Variants in DOCK8 observed in about 807,000 individuals in gnomAD.
The protein encoded by DOCK8 is dedicator of cytokinesis 8, also known as dedicator of cytokinesis protein 8.
Under a neutral mutation model 245.6 loss-of-function variants are expected in DOCK8, and 141 were observed. The ratio of observed to expected loss-of-function variants is 0.57; its 90% CI spans 0.50 to 0.66. DOCK8 has a LOEUF of 0.66. Among genes scored for constraint, DOCK8 ranks in the 30% least tolerant of loss-of-function variants. The pLI, the probability that DOCK8 is intolerant of heterozygous loss-of-function variation, is 0.00. For missense variants in DOCK8, 2,965 were observed against 2,603.4 expected (o/e 1.14, Z -3.02); for synonymous variants, 1,168 against 970.2 (o/e 1.20, Z -3.79).
intron 23 of DOCK8, 94 bp downstream of exon 23, chr9:386,520 C>T (rs922394374): frequency 1.9e-6 from 2 of 1,063,032 alleles, no homozygotes; most frequent in South Asian, 1.3e-5. Flanking sequence ...TCAAAGTGCT[C>T]CCCTGCCTGT....
chr9:432,394 G>A (rs916713782), intron 37 of DOCK8, 70 bp downstream of exon 37: 18 of 1,357,584 alleles, frequency 1.3e-5, no homozygotes, highest in South Asian at 2.4e-5. Flanking sequence ...ATGTATGTAT[G>A]TACATATATA....
chr9:408,278 G>C (rs1439087418), intron 28 of DOCK8, among the ~76,000 whole-genome samples: 1 of 152,176 alleles, frequency 6.6e-6, no homozygotes. Flanking sequence ...ACAGTCACAT[G>C]TGTCCCAAGC....
chr9:314,857 G>A (rs2050276170), intron 6 of DOCK8, among the ~76,000 whole-genome samples: 1 of 152,104 alleles, frequency 6.6e-6, no homozygotes, highest in Non-Finnish European at 1.5e-5. Flanking sequence ...TTAGAAGAGA[G>A]GTAAACTAGT....
At chr9:215,220 G>A (rs766584349) in intron 1 of DOCK8, 191 bp downstream of exon 1, 37 of 1,546,570 alleles carry the variant, frequency 2.4e-5, no homozygotes, top group Non-Finnish European at 2.8e-5. Flanking sequence ...CTCCTGCGCT[G>A]GGCCCGGCGA....
intron 40 of DOCK8, 76 bp from the exon 41 acceptor site, chr9:441,210 G>A: frequency 6.3e-7 from 1 of 1,583,786 alleles, no homozygotes; most frequent in Non-Finnish European, 8.7e-7. Context: ...ACATTGTTTG[G>A]ACAATGACCT....
At chr9:323,493 T>C (rs1349060040) in intron 7 of DOCK8, among the ~76,000 whole-genome samples, 2 of 152,248 alleles carry the variant, frequency 1.3e-5, no homozygotes, top group African/African-American at 4.8e-5. Flanking sequence ...AGTGCTGGGA[T>C]TACAGGCATG....
chr9:367,779 C>G (rs1012973656), intron 14 of DOCK8, among the ~76,000 whole-genome samples: 2 of 152,158 alleles, frequency 1.3e-5, no homozygotes, highest in Non-Finnish European at 2.9e-5. Context: ...ACTTTCTAAG[C>G]TGCAGCAGAC....
At chr9:418,928 G>A (rs537545388) in intron 30 of DOCK8, among the ~76,000 whole-genome samples, 1 of 151,294 alleles carries the variant, frequency 6.6e-6, no homozygotes, top group Non-Finnish European at 1.5e-5. Context: ...TAGCGTAAGG[G>A]CTTCTTAAAC....
chr9:306,555 A>G (rs768497678), intron 5 of DOCK8, among the ~76,000 whole-genome samples: 4 of 152,166 alleles, frequency 2.6e-5, no homozygotes, highest in Non-Finnish European at 5.9e-5. Context: ...GGAAAAATGG[A>G]GGCTATCCTA....
At chr9:453,145 T>C (rs2057519911) in intron 46 of DOCK8, among the ~76,000 whole-genome samples, 1 of 152,246 alleles carries the variant, frequency 6.6e-6, no homozygotes, top group African/African-American at 2.4e-5. Context: ...CTTCACAGGC[T>C]TTTGCGAGAG....
chr9:462,391 G>C (rs992418455), intron 46 of DOCK8, among the ~76,000 whole-genome samples: 1 of 152,144 alleles, frequency 6.6e-6, no homozygotes, highest in Non-Finnish European at 1.5e-5. Flanking sequence ...TTCCATAAAT[G>C]GCCCTAAGCT....
intron 1 of DOCK8, among the ~76,000 whole-genome samples, chr9:219,724 C>T (rs1015512010): frequency 6.6e-6 from 1 of 152,098 alleles, no homozygotes; most frequent in African/African-American, 2.4e-5. Flanking sequence ...TAGCAAAACC[C>T]TGTCTCTACA....
At position 434,954 on chromosome 9, in the gene DOCK8, C is replaced by G. The variant is rs190854825; in HGVS notation, c.5058C>G (p.Pro1686=). The G allele has an allele frequency of 6.2e-7, 1 of 1,613,016 alleles. No individual in the cohort carries two copies. Among genetic ancestry groups the G allele is most frequent in the South Asian group, 1.1e-5 (1 of 91,018 alleles). ...LSMLEDHSYL[P]VGSVSFQNIS... ...TGCTGGAGGACCACAGCTACCTGCC[C>G]GTGGGCAGTGTCAGCTTCCAGGTAG... Residue 1686 remains proline, a synonymous_variant, in exon 39 of 48, where the codon CCC becomes CCG. Transcript: ENST00000432829.
intron 46 of DOCK8, among the ~76,000 whole-genome samples, chr9:453,175 A>G (rs1195597294): frequency 6.6e-6 from 1 of 152,230 alleles, no homozygotes; most frequent in South Asian, 2.1e-4. Context: ...TTTGCTGCAT[A>G]TACAGGAGAC....
In DOCK8 at chr9:339,003, C is replaced by A. The variant is rs1475476428; in HGVS notation, c.1423-3C>A. ...ACATTAACTCTGACTTTTCTCTTGG[C>A]AGGAAGGAGATCGCCTTAGCGATGA... is the stretch of plus-strand genomic sequence containing the variant. On this transcript the variant is annotated splice_polypyrimidine_tract_variant and splice_region_variant and intron_variant, in intron 12 of 47. Coordinates refer to ENST00000432829, the MANE Select transcript of DOCK8 (RefSeq NM_203447.4). 1.2e-6 allele frequency: 2 copies of A among 1,613,742 alleles called. No individual in the cohort carries two copies. Among genetic ancestry groups the A allele is most frequent in the Non-Finnish European group, 1.7e-6 (2 of 1,179,812 alleles).
intron 1 of DOCK8, among the ~76,000 whole-genome samples, chr9:235,067 G>C (rs1003480782): frequency 6.6e-6 from 1 of 152,116 alleles, no homozygotes; most frequent in African/African-American, 2.4e-5. Flanking sequence ...ACGTACAGAT[G>C]GGTTTTTGGT....
chr9:292,229 G>A (rs1172345073), intron 4 of DOCK8, among the ~76,000 whole-genome samples: 1 of 150,250 alleles, frequency 6.7e-6, no homozygotes, highest in Non-Finnish European at 1.5e-5. Context: ...AATTAACCGG[G>A]CATGGTGGTG....
chr9:386,633 A>G (rs2053968500), intron 23 of DOCK8, among the ~76,000 whole-genome samples: 1 of 152,074 alleles, frequency 6.6e-6, no homozygotes, highest in Non-Finnish European at 1.5e-5. Flanking sequence ...TGTTTCTCCC[A>G]CTTTCTCATG....
chr9:410,840 AAAAGG>A, intron 28 of DOCK8, among the ~76,000 whole-genome samples: 1 of 152,250 alleles, frequency 6.6e-6, no homozygotes, highest in African/African-American at 2.4e-5. Flanking sequence ...TGACCAAGAA[AAAAGG>A]AAGAAGACTC....
Sources: allele counts gnomAD v4.1 joint callset (sites outside exome capture counted in the v4.1 genomes callset), GRCh38; gene constraint gnomAD v4.1.1; transcripts MANE v1.5; gene names NCBI Gene and HGNC (gene_info 2026-07-23, HGNC 2026-07-21).